NELFCD: variants seen among roughly 807,000 people sequenced by gnomAD.
The protein encoded by NELFCD is negative elongation factor C/D.
A neutral mutation model predicts 72.9 loss-of-function variants in NELFCD; 48 were observed. That is an observed-to-expected ratio of 0.66 (90% confidence interval 0.52 to 0.84). The LOEUF (loss-of-function observed/expected upper bound fraction) is 0.84. NELFCD is among the 40% of genes least tolerant of loss of function. NELFCD has a pLI of 0.00. For synonymous variants in NELFCD, 297 were observed against 280.6 expected (o/e 1.06, Z -0.59); for missense variants, 538 against 723.8 (o/e 0.74, Z 2.94).
chr20:58,989,982 A>T lies in NELFCD; in HGVS notation c.782A>T (p.Gln261Leu), dbSNP rs1402585140. Residue 261 changes from glutamine to leucine, a missense_variant, in exon 7 of 15, where the codon CAG (glutamine) becomes CTG (leucine). Physicochemically the swap from Gln to Leu is moderately radical, Grantham distance 113. Transcript: ENST00000652272. The part of the protein sequence containing the change: ...RIAQEVQRFA[Q>L]EKGHDASQIT... Reference sequence around the variant, plus strand: ...GCCCAGGAAGTGCAGCGCTTTGCCCAGGAGAAGTGAGAGGCCCTGTTTCTG... The same window carrying T: ...GCCCAGGAAGTGCAGCGCTTTGCCCTGGAGAAGTGAGAGGCCCTGTTTCTG... 1 of 1,612,636 alleles carries T rather than the reference A, an allele frequency of 6.2e-7. No individual in the cohort carries two copies. Among genetic ancestry groups the T allele is most frequent in the Admixed American group, 1.7e-5 (1 of 60,028 alleles).
intron 3 of NELFCD, 154 bp from the exon 4 acceptor site, chr20:58,987,554 C>T: frequency 1.6e-6 from 1 of 628,516 alleles, no homozygotes; most frequent in South Asian, 2.0e-5. Context: ...TCATTGATAA[C>T]TACTTTGAAG....
At chr20:58,988,065 C>T (rs2091785741) in intron 4 of NELFCD, 2 of 484,658 alleles carry the variant, frequency 4.1e-6, no homozygotes, top group South Asian at 5.0e-5. Flanking sequence ...CCCACCATTT[C>T]CCCTCTCAGG....
chr20:58,989,835 CCT>C, intron 6 of NELFCD, 21 bp from the exon 7 acceptor site: 2 of 1,614,096 alleles, frequency 1.2e-6, no homozygotes, highest in Non-Finnish European at 1.7e-6. Context: ...AACCCTGCCC[CCT>C]CTCTCCCTGC....
rs1440540277 is a variant in NELFCD, at chr20:58,990,982, C to T, written c.861C>T (p.Leu287=). The change falls in exon 8 of 15, where the codon CTC becomes CTT. Residue 287 remains leucine (L), a synonymous_variant. Coordinates refer to ENST00000652272, the MANE Select transcript of NELFCD (RefSeq NM_198976.4). The part of the protein sequence containing the change: ...AASYPRACQA[L]GAMLSKGALN... ...CCTACCCCAGGGCCTGCCAGGCTCT[C>T]GGGGCCATGCTGTCCAAAGGAGCCC... 1.1e-5 allele frequency: 17 copies of T among 1,614,102 alleles called. No homozygotes were observed. Among genetic ancestry groups the T allele is most frequent in the Middle Eastern group, 1.6e-4 (1 of 6,084 alleles).
intron 14 of NELFCD, among the ~76,000 whole-genome samples, 181 bp downstream of exon 14, chr20:58,994,420 G>A (rs2091842818): frequency 6.6e-6 from 1 of 152,072 alleles, no homozygotes; most frequent in South Asian, 2.1e-4. Context: ...AGCATTAGCT[G>A]GGCATGGTGG....
chr20:58,993,595 A>G lies in NELFCD; in HGVS notation c.1441-29A>G, dbSNP rs763360547. The G allele has an allele frequency of 6.5e-5, 105 of 1,614,074 alleles. No individual in the cohort carries two copies. The highest frequency in any genetic ancestry group is 8.3e-5 in the Non-Finnish European group (98 of 1,180,024). ...AGAGGGCTGAGGAGGACCCTCTCTA[A>G]CCAGCTCCCTGTCCCCCTTCTTCTG... On this transcript the variant is annotated intron_variant, in intron 12 of 14. Coordinates refer to ENST00000652272, the MANE Select transcript of NELFCD (RefSeq NM_198976.4). This position sits in a 1 kb window ranked among gnomAD's most constrained non-coding sequence, Gnocchi z 5.0.
intron 6 of NELFCD, 66 bp downstream of exon 6, chr20:58,989,706 G>C (rs1037706224): frequency 6.2e-7 from 1 of 1,609,820 alleles, no homozygotes; most frequent in African/African-American, 1.3e-5. Flanking sequence ...TTTCAAGCAT[G>C]AGATGCTCCT....
At chr20:58,989,226 A>G in intron 5 of NELFCD, 1 of 617,364 alleles carries the variant, frequency 1.6e-6, no homozygotes, top group Non-Finnish European at 2.8e-6. Context: ...AGGATTTAGC[A>G]GGGATACAAG....
intron 3 of NELFCD, 116 bp from the exon 4 acceptor site, chr20:58,987,592 G>T: frequency 1.3e-6 from 1 of 798,342 alleles, no homozygotes; most frequent in Non-Finnish European, 2.1e-6. Flanking sequence ...TGTATAAGTG[G>T]TCAGAAGCAA....
At chr20:58,990,132 C>T in intron 7 of NELFCD, 144 bp downstream of exon 7, 7 of 1,113,998 alleles carry the variant, frequency 6.3e-6, no homozygotes, top group Non-Finnish European at 8.8e-6. Context: ...CGTGGTGGCT[C>T]ACGCCTGTAA....
At chr20:58,990,820 C>G (rs2091810490) in intron 7 of NELFCD, 90 bp from the exon 8 acceptor site, 1 of 1,171,094 alleles carries the variant, frequency 8.5e-7, no homozygotes, top group Non-Finnish European at 1.2e-6. Context: ...AAAAACAGAT[C>G]CCAACAATGC....
intron 10 of NELFCD, among the ~76,000 whole-genome samples, chr20:58,992,589 A>C (rs1407754147): frequency 6.6e-6 from 1 of 152,176 alleles, no homozygotes; most frequent in African/African-American, 2.4e-5. Flanking sequence ...ATCCATTCAC[A>C]CTATTTACTA....
Position 58,991,708 on chromosome 20 carries a change from C to T in NELFCD, c.1090-173C>T, listed in dbSNP as rs1158731125. ...GTAAGACATGGACAAACACTAGTCTCATTGCTTTTCAGTTTCTGTACACTG... is the reference window on the plus strand; with the variant it reads ...GTAAGACATGGACAAACACTAGTCTTATTGCTTTTCAGTTTCTGTACACTG... On this transcript the variant is annotated intron_variant, in intron 9 of 14. Coordinates refer to ENST00000652272, the MANE Select transcript of NELFCD (RefSeq NM_198976.4). The T allele has an allele frequency of 9.1e-6, 7 of 767,136 alleles. No homozygotes were observed. The South Asian group carries it at 1.1e-4, about 12-fold the overall frequency. 47.5% of individuals were successfully genotyped at this position (767,136 alleles called of 1,614,324 possible).
At chr20:58,989,242 T>G (rs1322186638) in intron 5 of NELFCD, 2 of 621,754 alleles carry the variant, frequency 3.2e-6, no homozygotes, top group Non-Finnish European at 5.6e-6. Context: ...ACAAGAATTC[T>G]CTTGTGGTTG....
intron 1 of NELFCD, among the ~76,000 whole-genome samples, chr20:58,983,745 C>A (rs1374878951): frequency 1.3e-5 from 2 of 152,056 alleles, no homozygotes; most frequent in East Asian, 3.9e-4. Flanking sequence ...GGCTTTGAGT[C>A]ATAAAGTGTT....
In NELFCD at chr20:58,984,600, C is replaced by T. The variant is rs57258492; in HGVS notation, c.61-1493C>T. On this transcript the variant is annotated intron_variant, in intron 1 of 14. Transcript: ENST00000652272. ...AGTAGATATATGAAGGATACCTTTACGGAAATATGGGTTGTAGGAAGAAGA... is the reference window on the plus strand; with the variant it reads ...AGTAGATATATGAAGGATACCTTTATGGAAATATGGGTTGTAGGAAGAAGA... Among the ~76,000 whole-genome samples the T allele has an allele frequency of 7.2e-3, 1,092 of 152,094 alleles. 13 individuals carry two copies. The highest frequency in any genetic ancestry group is 0.025 in the African/African-American group (1,027 of 41,470).
At chr20:58,992,903 C>T (rs886463827) in intron 10 of NELFCD, 95 bp from the exon 11 acceptor site, 77 of 829,718 alleles carry the variant, frequency 9.3e-5, no homozygotes, top group Middle Eastern at 7.4e-4. Flanking sequence ...ATGATGGAGT[C>T]ATTTGAGTTT....
chr20:58,982,743 A>G (rs1040561575), intron 1 of NELFCD, among the ~76,000 whole-genome samples: 1 of 152,144 alleles, frequency 6.6e-6, no homozygotes, highest in African/African-American at 2.4e-5. Context: ...TGGCTTGTTC[A>G]GGAGTTTGGG....
rs562117519 is a variant in NELFCD, at chr20:58,986,814, C to T, written c.237C>T (p.Thr79=). Residue 79 remains threonine, a synonymous_variant, in exon 3 of 15, where the codon ACC becomes ACT. Transcript: ENST00000652272. The surrounding 1 kb of genome is among the most constrained non-coding windows in gnomAD (Gnocchi z 4.4). ...NVIQLLSENY[T]AVAQTVNLLA... ...TCCAGCTCTTATCTGAAAACTACAC[C>T]GCTGTGGCCCAGACTGTGAACCTGC... The T allele has an allele frequency of 5.4e-5, 87 of 1,614,064 alleles. No individual in the cohort carries two copies. The highest frequency in any genetic ancestry group is 1.1e-4 in the South Asian group (10 of 91,070).
Sources: gnomAD v4.1 joint callset for allele counts (sites outside exome capture counted in the v4.1 genomes callset) on GRCh38, gnomAD v4.1.1 for gene constraint, Gnocchi (gnomAD v3.1) non-coding constraint, MANE v1.5 for transcripts, NCBI Gene and HGNC (gene_info 2026-07-23, HGNC 2026-07-21) for gene names.